Variants in AMOTL1 observed in about 807,000 individuals in gnomAD.
AMOTL1 encodes the protein angiomotin like 1.
A neutral mutation model predicts 102.9 loss-of-function variants in AMOTL1; 45 were observed. That is an observed-to-expected ratio of 0.44 (90% CI 0.34 to 0.56). The LOEUF is 0.56. Among genes scored for constraint, AMOTL1 ranks in the 20% least tolerant of loss-of-function variants. The probability of loss-of-function intolerance (pLI) is 0.01; values close to 1 mark genes in which losing one functional copy is unlikely to be tolerated. For missense variants in AMOTL1, 1,114 were observed against 1,225.6 expected (o/e 0.91, Z 1.36); for synonymous variants, 481 against 484.7 (o/e 0.99, Z 0.10).
At chr11:94,837,282 A>G (rs1952204028) in intron 6 of AMOTL1, among the ~76,000 whole-genome samples, 1 of 152,220 alleles carries the variant, frequency 6.6e-6, no homozygotes, top group Non-Finnish European at 1.5e-5. Context: ...AAAGTAATAG[A>G]AGAATGAATC....
intron 9 of AMOTL1, among the ~76,000 whole-genome samples, chr11:94,862,255 T>G (rs1475644003): frequency 2.0e-5 from 3 of 152,214 alleles, no homozygotes; most frequent in African/African-American, 7.2e-5. Context: ...TAATGTTCTT[T>G]TCAAAGAAAA....
chr11:94,864,797 A>G lies in AMOTL1; in HGVS notation c.2198A>G (p.His733Arg), dbSNP rs1246814307. ...GSYGESSLEA[H>R]IWQEEEEVVQ... is the part of the protein sequence containing the mutation. ...TACGGAGAGAGCTCGCTGGAGGCCC[A>G]CATCTGGCAAGAGGAGGAGGAGGTG... The change falls in exon 10 of 13, where the codon CAC becomes CGC. Residue 733 changes from histidine (H) to arginine (R), a missense_variant. Coordinates refer to ENST00000433060, the MANE Select transcript of AMOTL1 (RefSeq NM_130847.3). 1 of 1,613,922 alleles carries G rather than the reference A, an allele frequency of 6.2e-7. No homozygotes were observed. The highest frequency in any genetic ancestry group is 1.3e-5 in the African/African-American group (1 of 75,056).
chr11:94,762,162 A>T (rs560308120), intron 3 of AMOTL1, among the ~76,000 whole-genome samples: 1 of 152,334 alleles, frequency 6.6e-6, no homozygotes, highest in African/African-American at 2.4e-5. Flanking sequence ...AAAAGAGGAA[A>T]GGGAAGCAAT....
chr11:94,735,244 G>A (rs1950421361), intron 2 of AMOTL1, among the ~76,000 whole-genome samples: 1 of 152,196 alleles, frequency 6.6e-6, no homozygotes, highest in Non-Finnish European at 1.5e-5. Context: ...CTACAGGGCA[G>A]GTTCCCGGCT....
chr11:94,807,412 A>G (rs967931904), intron 3 of AMOTL1, among the ~76,000 whole-genome samples: 1 of 152,178 alleles, frequency 6.6e-6, no homozygotes, highest in Non-Finnish European at 1.5e-5. Context: ...TATTAAAATA[A>G]CAATGCTGAT....
At chr11:94,728,953 A>T (rs1565329704) in exon 2 of AMOTL1, 1 of 1,287,784 alleles carries the variant, frequency 7.8e-7, no homozygotes, top group Non-Finnish European at 1.0e-6. Flanking sequence ...AAAGCTATAC[A>T]TACAAGGGGC....
intron 1 of AMOTL1, among the ~76,000 whole-genome samples, chr11:94,714,997 C>T: frequency 6.6e-6 from 1 of 152,042 alleles, no homozygotes; most frequent in Non-Finnish European, 1.5e-5. Flanking sequence ...CTAATGTAAG[C>T]CTTTGGTGCT....
rs768494944 is a variant in AMOTL1, at chr11:94,758,367, A to G, written c.136+17379A>G. On this transcript the variant is annotated intron_variant, in intron 3 of 4. Coordinates refer to the AMOTL1 transcript ENST00000299004. ...AGACTTCAGTGTTTTGTTTAGCTAC[A>G]TGATTGAATGCGTAATAAATGCTTT... Among the ~76,000 whole-genome samples the G allele has an allele frequency of 4.6e-5, 7 of 152,230 alleles. No individual in the cohort carries two copies. In the East Asian group the frequency reaches 1.2e-3, roughly 25 times the overall value.
chr11:94,712,071 T>C (rs1218501940), intron 1 of AMOTL1, among the ~76,000 whole-genome samples: 1 of 152,108 alleles, frequency 6.6e-6, no homozygotes, highest in African/African-American at 2.4e-5. Flanking sequence ...CAGCAATATA[T>C]GAGTAATAGA....
intron 6 of AMOTL1, among the ~76,000 whole-genome samples, chr11:94,839,352 T>G (rs1055613147): frequency 2.6e-5 from 4 of 152,222 alleles, no homozygotes; most frequent in African/African-American, 9.6e-5. Flanking sequence ...CATTGTCTCT[T>G]TTACTGTTCC....
chr11:94,874,778 C>G lies in AMOTL1; in HGVS notation c.*3983C>G, dbSNP rs761413226. 2.0e-5 allele frequency: 3 copies of G among 152,200 alleles called. No homozygotes were observed. Among genetic ancestry groups the G allele is most frequent in the Non-Finnish European group, 4.4e-5 (3 of 68,048 alleles). 9.4% of individuals were successfully genotyped at this position (152,200 alleles called of 1,614,324 possible). A position where few individuals can be genotyped will look rare whatever the true frequency, so the allele number is the denominator to read the frequency against. On this transcript the variant is annotated 3_prime_UTR_variant, in exon 13 of 13. Coordinates refer to ENST00000433060, the MANE Select transcript of AMOTL1 (RefSeq NM_130847.3). ...AGACTTCAGGTGAGGCTGCGGACCT[C>G]AGAAGCAGTGGATAATAGATTGGGG...
chr11:94,790,763 GAC>G (rs1203113286), intron 1 of AMOTL1, among the ~76,000 whole-genome samples: 6 of 152,184 alleles, frequency 3.9e-5, no homozygotes, highest in Non-Finnish European at 7.3e-5. Flanking sequence ...ATAGCGGAAT[GAC>G]AGTTTCACGT....
rs1031629114 is a variant in AMOTL1 at position 94,819,751 on chromosome 11, A to G, written c.1122-1779A>G. On this transcript the variant is annotated intron_variant, in intron 3 of 12. Coordinates refer to ENST00000433060, the MANE Select transcript of AMOTL1 (RefSeq NM_130847.3). ...GGTCATGACCTCCTGAGGCTGTGTC[A>G]TGGGCACATTCTTAACCTTGCAAAA... is the stretch of plus-strand genomic sequence containing the variant. 3.3e-5 allele frequency among the ~76,000 whole-genome samples: 5 copies of G among 152,206 alleles called. No homozygotes were observed. In the East Asian group the frequency reaches 9.6e-4, roughly 29 times the overall value.
intron 3 of AMOTL1, among the ~76,000 whole-genome samples, chr11:94,745,687 G>A (rs1373952128): frequency 6.6e-6 from 1 of 152,184 alleles, no homozygotes; most frequent in Non-Finnish European, 1.5e-5. Context: ...CGTGGATATG[G>A]TAAATGGTGT....
At position 94,840,654 on chromosome 11, in the gene AMOTL1, G is replaced by GTATATATATA. The variant is rs551220386; in HGVS notation, c.1648+9132_1648+9141dup. On this transcript the variant is annotated intron_variant, in intron 6 of 12. Transcript: ENST00000433060. ...CATTCAGAGGGGCCACTTAAAAAAC[G>GTATATATATA]TATATATATATATATATATATATAT... Among the ~76,000 whole-genome samples the GTATATATATA allele has an allele frequency of 4.5e-3, 504 of 111,230 alleles. 9 individuals carry two copies. The highest frequency in any genetic ancestry group is 0.016 in the African/African-American group (401 of 24,942). 73.0% of individuals were successfully genotyped at this position (111,230 alleles called of 152,430 possible).
At chr11:94,805,707 CTG>C (rs2135585024) in intron 3 of AMOTL1, among the ~76,000 whole-genome samples, 1 of 152,210 alleles carries the variant, frequency 6.6e-6, no homozygotes, top group East Asian at 1.9e-4. Flanking sequence ...AGAGTGGTAA[CTG>C]TTTATTAATA....
intron 3 of AMOTL1, among the ~76,000 whole-genome samples, chr11:94,816,150 T>C (rs900077472): frequency 3.9e-5 from 6 of 152,206 alleles, no homozygotes; most frequent in African/African-American, 1.4e-4. Context: ...TAACTTTTAT[T>C]GTATCTTGCT....
intron 2 of AMOTL1, among the ~76,000 whole-genome samples, chr11:94,739,457 G>GGCC (rs1334225163): frequency 6.6e-6 from 1 of 152,156 alleles, no homozygotes; most frequent in African/African-American, 2.4e-5. Context: ...AAGCAATGCT[G>GGCC]GCCGAAGGGG....
intron 1 of AMOTL1, among the ~76,000 whole-genome samples, chr11:94,708,953 TTA>T (rs767078757): frequency 6.6e-5 from 10 of 152,188 alleles, no homozygotes; most frequent in Non-Finnish European, 1.3e-4. Flanking sequence ...TCAAGCAGTT[TTA>T]GAGTTAGGCT....
Sources: allele counts gnomAD v4.1 joint callset (sites outside exome capture counted in the v4.1 genomes callset), GRCh38; gene constraint gnomAD v4.1.1; transcripts MANE v1.5; gene names NCBI Gene and HGNC (gene_info 2026-07-23, HGNC 2026-07-21).